HLA-DQA2: variants seen among roughly 807,000 people sequenced by gnomAD.
HLA-DQA2 encodes the protein major histocompatibility complex, class II, DQ alpha 2.
Under a neutral mutation model 21.0 loss-of-function variants are expected in HLA-DQA2, and 17 were observed. That is an observed-to-expected ratio of 0.81 (90% confidence interval 0.56 to 1.22). HLA-DQA2 has a LOEUF of 1.22. Among genes scored for constraint, HLA-DQA2 ranks in the 50% most tolerant of loss-of-function variants. The pLI is 0.00. For missense variants in HLA-DQA2, 239 were observed against 308.8 expected (o/e 0.77, Z 1.69); for synonymous variants, 81 against 116.5 (o/e 0.70, Z 1.96).
chr6:32,741,959 CTATAGA>C (rs1763243374), intron 1 of HLA-DQA2, among the ~76,000 whole-genome samples: 1 of 152,198 alleles, frequency 6.6e-6, no homozygotes, highest in Non-Finnish European at 1.5e-5. Context: ...TATGTACACT[CTATAGA>C]TATAAAGAAA....
intron 2 of HLA-DQA2, 43 bp downstream of exon 2, chr6:32,745,450 T>C: frequency 6.2e-7 from 1 of 1,602,930 alleles, no homozygotes; most frequent in East Asian, 2.2e-5. Flanking sequence ...AAACTAATCT[T>C]TCATACCAAG....
Position 32,746,282 on chromosome 6 carries a change from T to C in HLA-DQA2, c.656T>C (p.Leu219Ser). 6.2e-7 allele frequency: 1 copy of C among 1,613,116 alleles called. No homozygotes were observed. Among genetic ancestry groups the C allele is most frequent in the Non-Finnish European group, 8.5e-7 (1 of 1,180,038 alleles). ...CCTATGTCAGAGCTCACAGAGACTT[T>C]GGTCTGCGCCCTGGGGTTGTCTGTG... ...PAPMSELTET[L>S]VCALGLSVGL... Residue 219 changes from leucine to serine, a missense_variant, in exon 4 of 5, where the codon TTG (leucine) becomes TCG (serine). Leu to Ser is a moderately radical substitution (Grantham distance 145). Coordinates refer to ENST00000374940, the MANE Select transcript of HLA-DQA2 (RefSeq NM_020056.5).
intron 1 of HLA-DQA2, among the ~76,000 whole-genome samples, chr6:32,744,427 G>GGA (rs142793954): frequency 6.8e-6 from 1 of 147,688 alleles, no homozygotes; most frequent in African/African-American, 2.5e-5. Context: ...TCCTTCAGAG[G>GGA]AAAAAAAAAA....
Position 32,747,005 on chromosome 6 carries a change from A to C in HLA-DQA2, c.*444A>C. ...CATATCATTCCCCAGATCATATTTC[A>C]AGTCCAGTAACACAGGAGCAACCAA... On this transcript the variant is annotated 3_prime_UTR_variant, in exon 5 of 5. Coordinates refer to ENST00000374940, the MANE Select transcript of HLA-DQA2 (RefSeq NM_020056.5). The C allele has an allele frequency of 3.8e-6, 1 of 264,992 alleles. No individual in the cohort carries two copies. Among genetic ancestry groups the C allele is most frequent in the Non-Finnish European group, 7.4e-6 (1 of 135,144 alleles). The allele number at this position is 264,992 out of a possible 1,614,324, so 16.4% of individuals were successfully genotyped here. A position where few individuals can be genotyped will look rare whatever the true frequency, so the allele number is the denominator to read the frequency against.
rs1763510380 is a variant in HLA-DQA2 at position 32,745,457 on chromosome 6, C to T, written c.331+50C>T. 1.9e-6 allele frequency: 3 copies of T among 1,571,878 alleles called. No homozygotes were observed. In the East Asian group the frequency reaches 6.8e-5, roughly 36 times the overall value. On this transcript the variant is annotated intron_variant, in intron 2 of 4. Coordinates refer to ENST00000374940, the MANE Select transcript of HLA-DQA2 (RefSeq NM_020056.5). ...CTTTACTGAAACTAATCTTTCATAC[C>T]AAGTTTTACTCCCTTCTTCTCAAGA...
At position 32,741,475 on chromosome 6, in the gene HLA-DQA2, C is replaced by T. The variant is rs1763206028; in HGVS notation, c.32C>T (p.Ala11Val). 2.5e-6 allele frequency: 4 copies of T among 1,613,910 alleles called. No homozygotes were observed. Among genetic ancestry groups the T allele is most frequent in the East Asian group, 2.2e-5 (1 of 44,894 alleles). ...CTAAACAAAGCTCTGCTGCTGGGGG[C>T]CCTCGCCCTGACTGCCGTGATGAGC... MILNKALLLG[A>V]LALTAVMSPC... is the part of the protein sequence containing the mutation. The change falls in exon 1 of 5, where the codon GCC becomes GTC. Residue 11 changes from alanine (A) to valine (V), a missense_variant. Transcript: ENST00000374940.
intron 1 of HLA-DQA2, among the ~76,000 whole-genome samples, chr6:32,742,377 G>C (rs755336676): frequency 9.6e-5 from 13 of 136,070 alleles, no homozygotes; most frequent in Admixed American, 5.4e-4. Context: ...CTTATAAAGA[G>C]AAAAATGGGC....
rs1383922635 is a variant in HLA-DQA2 at position 32,742,396 on chromosome 6, ATAAT to A, written c.82+874_82+877del. 4.0e-5 allele frequency among the ~76,000 whole-genome samples: 3 copies of A among 75,354 alleles called. No homozygotes were observed. The East Asian group carries it at 2.9e-3, about 72-fold the overall frequency. The allele number at this position is 75,354 out of a possible 152,430, so 49.4% of individuals were successfully genotyped here. Reference sequence around the variant, plus strand: ...TAAAGAGAAAAATGGGCAGGCACAGATAATTATTTGGTCCCTTAGTCCCCTCTGC... The same window carrying A: ...TAAAGAGAAAAATGGGCAGGCACAGATATTTGGTCCCTTAGTCCCCTCTGC... On this transcript the variant is annotated intron_variant, in intron 1 of 4. Transcript: ENST00000374940.
intron 1 of HLA-DQA2, among the ~76,000 whole-genome samples, chr6:32,742,664 C>T (rs1397884377): frequency 4.6e-5 from 7 of 152,156 alleles, no homozygotes; most frequent in Non-Finnish European, 1.0e-4. Flanking sequence ...GTTTCACCTG[C>T]TTCTCCAGAG....
chr6:32,747,026 A>C lies in HLA-DQA2; in HGVS notation c.*465A>C. 1 of 250,862 alleles carries C rather than the reference A, an allele frequency of 4.0e-6. No homozygotes were observed. The highest frequency in any genetic ancestry group is 7.8e-6 in the Non-Finnish European group (1 of 127,844). The allele number at this position is 250,862 out of a possible 1,614,324, so 15.5% of individuals were successfully genotyped here. A position where few individuals can be genotyped will look rare whatever the true frequency, so the allele number is the denominator to read the frequency against. On this transcript the variant is annotated 3_prime_UTR_variant, in exon 5 of 5. Transcript: ENST00000374940. Reference sequence around the variant, plus strand: ...TTTCAAGTCCAGTAACACAGGAGCAACCAAGTACAGTGTATCCTGATAATT... The same window carrying C: ...TTTCAAGTCCAGTAACACAGGAGCACCCAAGTACAGTGTATCCTGATAATT...
intron 1 of HLA-DQA2, among the ~76,000 whole-genome samples, chr6:32,744,098 A>G (rs1162299632): frequency 6.6e-6 from 1 of 152,154 alleles, no homozygotes; most frequent in African/African-American, 2.4e-5. Context: ...AGTACATTGT[A>G]TTTGCTCCCT....
chr6:32,744,442 G>A (rs974746718), intron 1 of HLA-DQA2, among the ~76,000 whole-genome samples: 1 of 150,146 alleles, frequency 6.7e-6, no homozygotes, highest in Non-Finnish European at 1.5e-5. Context: ...AAAAAAGTGG[G>A]GGCAATGACA....
chr6:32,745,112 C>A, intron 1 of HLA-DQA2, 47 bp from the exon 2 acceptor site: 4 of 1,567,840 alleles, frequency 2.6e-6, no homozygotes, highest in Non-Finnish European at 3.4e-6. Context: ...TATTAAGGTT[C>A]TTTCTCCCTG....
At chr6:32,744,844 A>ATTCC (rs10663707) in intron 1 of HLA-DQA2, among the ~76,000 whole-genome samples, 27,053 of 152,052 alleles carry the variant, frequency 0.18, 2,811 homozygotes, top group African/African-American at 0.25. Context: ...TAACTCATTC[A>ATTCC]TTCCTTCCTT....
chr6:32,742,674 G>A (rs1291028841), intron 1 of HLA-DQA2, among the ~76,000 whole-genome samples: 1 of 152,088 alleles, frequency 6.6e-6, no homozygotes, highest in Non-Finnish European at 1.5e-5. Context: ...CTTCTCCAGA[G>A]CACTTGGCTT....
In HLA-DQA2 at chr6:32,741,540, G is replaced by C. The variant is rs112333001; in HGVS notation, c.82+15G>C. 8.1e-6 allele frequency: 13 copies of C among 1,609,384 alleles called. No individual in the cohort carries two copies. Among genetic ancestry groups the C allele is most frequent in the Non-Finnish European group, 1.1e-5 (13 of 1,176,196 alleles). ...AGACATTGTGGGTGAGTACATGAGT[G>C]AGGAATGTTCTCTGGAGCTGAAAAA... is the stretch of plus-strand genomic sequence containing the variant. On this transcript the variant is annotated intron_variant, in intron 1 of 4. Transcript: ENST00000374940.
At chr6:32,744,552 G>T (rs1763430033) in intron 1 of HLA-DQA2, among the ~76,000 whole-genome samples, 1 of 152,118 alleles carries the variant, frequency 6.6e-6, no homozygotes, top group Non-Finnish European at 1.5e-5. Context: ...GACCTTAGAA[G>T]AATTGTTTAT....
At chr6:32,746,151 TGCAGAGCCA>T in intron 3 of HLA-DQA2, 79 bp downstream of exon 3, 1 of 1,501,764 alleles carries the variant, frequency 6.7e-7, no homozygotes, top group Non-Finnish European at 8.9e-7. Flanking sequence ...CCTTGAGTCT[TGCAGAGCCA>T]GCCCTCCACC....
chr6:32,743,462 T>C (rs548408982), intron 1 of HLA-DQA2, among the ~76,000 whole-genome samples: 88 of 152,350 alleles, frequency 5.8e-4, no homozygotes, highest in African/African-American at 1.8e-3. Context: ...AAAATCATGC[T>C]GTCTGCCTTG....
Sources: allele counts gnomAD v4.1 joint callset (sites outside exome capture counted in the v4.1 genomes callset), GRCh38; gene constraint gnomAD v4.1.1; transcripts MANE v1.5; gene names NCBI Gene and HGNC (gene_info 2026-07-23, HGNC 2026-07-21).